UBE2O: variants seen among roughly 807,000 people sequenced by gnomAD.
UBE2O encodes ubiquitin conjugating enzyme E2 O, also known as (E3-independent) E2 ubiquitin-conjugating enzyme.
A neutral mutation model predicts 125.8 loss-of-function variants in UBE2O; 15 were observed. The observed-to-expected ratio is 0.12, with a 90% confidence interval of 0.08 to 0.18. The LOEUF is 0.18. UBE2O is among the 10% of genes least tolerant of loss of function. The probability of loss-of-function intolerance (pLI) is 1.00; values close to 1 mark genes in which losing one functional copy is unlikely to be tolerated. For missense variants in UBE2O, 1,280 were observed against 1,723.6 expected (o/e 0.74, Z 4.56); for synonymous variants, 708 against 703.2 (o/e 1.01, Z -0.11).
chr17:76,390,866 G>A lies in UBE2O; in HGVS notation c.*77C>T, dbSNP rs1233005259. ...GTGGGGACAGAGGGGCATGGGAAGA[G>A]GGGTGATTCCGGGGGGGAGTGAGCA... is the stretch of plus-strand genomic sequence containing the variant. On this transcript the variant is annotated 3_prime_UTR_variant, in exon 18 of 18. Coordinates refer to ENST00000319380, the MANE Select transcript of UBE2O (RefSeq NM_022066.4). The A allele has an allele frequency of 2.8e-6, 4 of 1,438,276 alleles. No individual in the cohort carries two copies. The African/African-American group carries it at 5.7e-5, about 20-fold the overall frequency. 89.1% of individuals were successfully genotyped at this position (1,438,276 alleles called of 1,614,324 possible).
Position 76,396,891 on chromosome 17 carries a change from T to C in UBE2O, c.2116-70A>G. Reference sequence around the variant, plus strand: ...CCTCCCCACCACTAAGGAGGAGCTCTGGGGATCCCTGATCCGCACAGCTGA... The same window carrying C: ...CCTCCCCACCACTAAGGAGGAGCTCCGGGGATCCCTGATCCGCACAGCTGA... On this transcript the variant is annotated intron_variant, in intron 13 of 17. Transcript: ENST00000319380. The surrounding 1 kb of genome is among the most constrained non-coding windows in gnomAD (Gnocchi z 6.7). The C allele has an allele frequency of 7.3e-7, 1 of 1,367,760 alleles. No homozygotes were observed. The highest frequency in any genetic ancestry group is 1.0e-6 in the Non-Finnish European group (1 of 1,003,588). The allele number at this position is 1,367,760 out of a possible 1,614,324, so 84.7% of individuals were successfully genotyped here. A position where few individuals can be genotyped will look rare whatever the true frequency, so the allele number is the denominator to read the frequency against.
chr17:76,441,573 G>C (rs2143894170), intron 1 of UBE2O, among the ~76,000 whole-genome samples: 1 of 152,298 alleles, frequency 6.6e-6, no homozygotes, highest in Middle Eastern at 3.4e-3. Flanking sequence ...ACATCAACGA[G>C]GTTTGGAAGG....
At chr17:76,450,082 CAA>C (rs59424179) in intron 1 of UBE2O, among the ~76,000 whole-genome samples, 44 of 140,200 alleles carry the variant, frequency 3.1e-4, no homozygotes, top group African/African-American at 8.0e-4. Flanking sequence ...ACCAGTAACT[CAA>C]AAAAAAAAAA....
chr17:76,401,007 C>T lies in UBE2O; in HGVS notation c.894+4G>A. On this transcript the variant is annotated splice_donor_region_variant and intron_variant, in intron 6 of 17. Coordinates refer to ENST00000319380, the MANE Select transcript of UBE2O (RefSeq NM_022066.4). Reference sequence around the variant, plus strand: ...CCATCTCCTACCCTTGGGCCCGGACCCACCTCTTCCACCACCACTCGGAAC... The same window carrying T: ...CCATCTCCTACCCTTGGGCCCGGACTCACCTCTTCCACCACCACTCGGAAC... 1 of 1,613,666 alleles carries T rather than the reference C, an allele frequency of 6.2e-7. No homozygotes were observed. Among genetic ancestry groups the T allele is most frequent in the Non-Finnish European group, 8.5e-7 (1 of 1,180,002 alleles).
intron 1 of UBE2O, among the ~76,000 whole-genome samples, chr17:76,426,265 T>A (rs2072808886): frequency 6.6e-6 from 1 of 152,210 alleles, no homozygotes; most frequent in Non-Finnish European, 1.5e-5. Context: ...CTTCCCAAAG[T>A]GCTGGGATTA....
chr17:76,394,403 CAG>C (rs1245943978), intron 15 of UBE2O, among the ~76,000 whole-genome samples: 1 of 152,182 alleles, frequency 6.6e-6, no homozygotes, highest in African/African-American at 2.4e-5. Context: ...AAACATGACT[CAG>C]AGACACTAGG....
intron 1 of UBE2O, among the ~76,000 whole-genome samples, chr17:76,442,875 T>G (rs2073096138): frequency 6.6e-6 from 1 of 151,932 alleles, no homozygotes; most frequent in South Asian, 2.1e-4. Flanking sequence ...AGTGCAGGCA[T>G]GAGGCAAGCA....
chr17:76,406,692 G>GTTTT (rs66834782), intron 1 of UBE2O, among the ~76,000 whole-genome samples: 1,080 of 70,926 alleles, frequency 0.015, 39 homozygotes, highest in African/African-American at 0.019. Flanking sequence ...AGCCCAAGTT[G>GTTTT]TTTTTTTTTT....
chr17:76,449,123 A>T (rs187676156), intron 1 of UBE2O, among the ~76,000 whole-genome samples: 188 of 152,358 alleles, frequency 1.2e-3, no homozygotes, highest in Non-Finnish European at 1.8e-3. Context: ...AAAGGACATG[A>T]CTTGCTGCCC....
intron 5 of UBE2O, 86 bp from the exon 6 acceptor site, chr17:76,401,240 C>T: frequency 1.3e-6 from 2 of 1,506,140 alleles, no homozygotes; most frequent in Non-Finnish European, 1.8e-6. Flanking sequence ...CCGCTGGCTG[C>T]CCACCTGCAG....
At chr17:76,401,875 A>AG in intron 5 of UBE2O, 189 bp downstream of exon 5, 1 of 178,106 alleles carries the variant, frequency 5.6e-6, no homozygotes, top group African/African-American at 2.5e-5. Context: ...CTCTGTCTCA[A>AG]AAAAAAAAAA....
Position 76,389,921 on chromosome 17 carries a change from G to C in UBE2O, c.*1022C>G, listed in dbSNP as rs952794547. ...GCAATGTGCTCAACAGCATCCTCTC[G>C]GCCTGGAGCTTCACATTATCAAAAG... On this transcript the variant is annotated 3_prime_UTR_variant, in exon 18 of 18. Transcript: ENST00000319380. 1 of 152,194 alleles carries C rather than the reference G, an allele frequency of 6.6e-6. No homozygotes were observed. Among genetic ancestry groups the C allele is most frequent in the Admixed American group, 6.6e-5 (1 of 15,242 alleles). The allele number at this position is 152,194 out of a possible 1,614,324, so 9.4% of individuals were successfully genotyped here.
chr17:76,433,746 C>T (rs866937493), intron 1 of UBE2O, among the ~76,000 whole-genome samples: 37 of 151,060 alleles, frequency 2.4e-4, no homozygotes, highest in South Asian at 4.2e-4. Flanking sequence ...GATGGGGTTT[C>T]GGCCAGTGCG....
chr17:76,437,149 T>A (rs1353705174), intron 1 of UBE2O, among the ~76,000 whole-genome samples: 35 of 129,084 alleles, frequency 2.7e-4, no homozygotes, highest in Admixed American at 1.0e-3. Flanking sequence ...ACTCCATCTT[T>A]AAAAAAAAAA....
chr17:76,433,191 C>A (rs1295230196), intron 1 of UBE2O, among the ~76,000 whole-genome samples: 1 of 150,608 alleles, frequency 6.6e-6, no homozygotes, highest in Non-Finnish European at 1.5e-5. Flanking sequence ...GACACAACAA[C>A]AAATGTCCAT....
chr17:76,391,134 G>A lies in UBE2O; in HGVS notation c.3688C>T (p.Pro1230Ser). 1 of 1,614,106 alleles carries A rather than the reference G, an allele frequency of 6.2e-7. No individual in the cohort carries two copies. ...SETAPDASVP[P>S]SVKPKKRRKS... ...CTCCGCTTCTTTGGTTTCACACTGG[G>A]TGGCACCGATGCGTCTGGTGCGGTC... is the stretch of plus-strand genomic sequence containing the variant. Residue 1230 changes from proline (P) to serine (S), a missense_variant, in exon 18 of 18, where the codon CCC (proline) becomes TCC (serine). Pro to Ser is a moderately conservative substitution (Grantham distance 74). Coordinates refer to ENST00000319380, the MANE Select transcript of UBE2O (RefSeq NM_022066.4). The surrounding 1 kb of genome is among the most constrained non-coding windows in gnomAD (Gnocchi z 8.4).
Position 76,390,848 on chromosome 17 carries a change from CA to C in UBE2O, c.*94del. 1 of 1,316,548 alleles carries C rather than the reference CA, an allele frequency of 7.6e-7. No homozygotes were observed. Among genetic ancestry groups the C allele is most frequent in the Non-Finnish European group, 1.0e-6 (1 of 961,768 alleles). The allele number at this position is 1,316,548 out of a possible 1,614,324, so 81.6% of individuals were successfully genotyped here. On this transcript the variant is annotated 3_prime_UTR_variant, in exon 18 of 18. Coordinates refer to ENST00000319380, the MANE Select transcript of UBE2O (RefSeq NM_022066.4). ...GAGGGCAGTGGGTTTGCAGTGGGGACAGAGGGGCATGGGAAGAGGGGTGATT... is the reference window on the plus strand; with the variant it reads ...GAGGGCAGTGGGTTTGCAGTGGGGACGAGGGGCATGGGAAGAGGGGTGATT...
intron 1 of UBE2O, among the ~76,000 whole-genome samples, chr17:76,408,481 A>G (rs370367744): frequency 6.6e-6 from 1 of 152,248 alleles, no homozygotes; most frequent in South Asian, 2.1e-4. Context: ...GTTTGGCTCC[A>G]GAGTCCATTC....
At chr17:76,441,541 C>T (rs774766037) in intron 1 of UBE2O, among the ~76,000 whole-genome samples, 3 of 152,142 alleles carry the variant, frequency 2.0e-5, no homozygotes, top group Admixed American at 1.3e-4. Flanking sequence ...GAACCAAAGA[C>T]GTACTAAAAC....
Sources: gnomAD v4.1 joint callset for allele counts (sites outside exome capture counted in the v4.1 genomes callset) on GRCh38, gnomAD v4.1.1 for gene constraint, Gnocchi (gnomAD v3.1) non-coding constraint, MANE v1.5 for transcripts, NCBI Gene and HGNC (gene_info 2026-07-23, HGNC 2026-07-21) for gene names.